SLA: variants seen among roughly 807,000 people sequenced by gnomAD.
SLA encodes src-like-adapter.
Under a neutral mutation model 30.3 loss-of-function variants are expected in SLA, and 16 were observed. The observed-to-expected ratio is 0.53, with a 90% CI of 0.36 to 0.80. The LOEUF is 0.80. Among genes scored for constraint, SLA ranks in the 30% least tolerant of loss-of-function variants. The pLI is 0.01. For missense variants in SLA, 310 were observed against 345.2 expected (o/e 0.90, Z 0.81); for synonymous variants, 143 against 137.8 (o/e 1.04, Z -0.26).
chr8:133,053,307 G>C (rs1307664247), intron 3 of SLA, among the ~76,000 whole-genome samples: 1 of 152,204 alleles, frequency 6.6e-6, no homozygotes, highest in Non-Finnish European at 1.5e-5. Flanking sequence ...CCCACCCCCG[G>C]CTGTGAGTTC....
At chr8:133,070,405 G>A (rs1843822183) in intron 2 of SLA, among the ~76,000 whole-genome samples, 1 of 152,182 alleles carries the variant, frequency 6.6e-6, no homozygotes, top group Non-Finnish European at 1.5e-5. Context: ...ACTAATCTAA[G>A]TGGGCATCCA....
chr8:133,096,445 T>A, intron 1 of SLA: 1 of 1,580,730 alleles, frequency 6.3e-7, no homozygotes. Context: ...AATGTCTGAC[T>A]TGATCAAGAG....
intron 1 of SLA, among the ~76,000 whole-genome samples, chr8:133,083,168 G>A (rs186896883): frequency 2.0e-5 from 3 of 152,264 alleles, no homozygotes; most frequent in East Asian, 1.9e-4. Flanking sequence ...ATTATAACCT[G>A]TAAAGCATGG....
chr8:133,048,307 A>G (rs1196109978), intron 5 of SLA, among the ~76,000 whole-genome samples: 1 of 151,974 alleles, frequency 6.6e-6, no homozygotes, highest in African/African-American at 2.4e-5. Flanking sequence ...TGCATCCTCC[A>G]CCTTCCAGGT....
chr8:133,072,447 T>C (rs540207913), intron 2 of SLA, among the ~76,000 whole-genome samples: 1 of 152,142 alleles, frequency 6.6e-6, no homozygotes, highest in Non-Finnish European at 1.5e-5. Flanking sequence ...GATGGATAGA[T>C]GGATAGATAG....
intron 2 of SLA, among the ~76,000 whole-genome samples, chr8:133,060,988 G>A (rs770148653): frequency 6.6e-6 from 1 of 152,180 alleles, no homozygotes; most frequent in Non-Finnish European, 1.5e-5. Context: ...CAAGCTAGAT[G>A]ACTTCGGGCA....
intron 7 of SLA, among the ~76,000 whole-genome samples, chr8:133,042,638 C>A (rs1838471419): frequency 7.4e-6 from 1 of 134,940 alleles, no homozygotes; most frequent in Non-Finnish European, 1.5e-5. Flanking sequence ...TGCTAGATGT[C>A]AATTCAAACC....
chr8:133,042,006 C>T (rs1174770151), intron 7 of SLA, among the ~76,000 whole-genome samples: 1 of 151,836 alleles, frequency 6.6e-6, no homozygotes, highest in Admixed American at 6.6e-5. Flanking sequence ...CCAGGATGGT[C>T]TCAATCTCCT....
chr8:133,038,325 C>G lies in SLA; in HGVS notation c.*199G>C, dbSNP rs1244592909. The G allele has an allele frequency of 1.0e-5, 6 of 601,230 alleles. No individual in the cohort carries two copies. The highest frequency in any genetic ancestry group is 1.8e-5 in the Non-Finnish European group (6 of 338,642). The allele number at this position is 601,230 out of a possible 1,614,324, so 37.2% of individuals were successfully genotyped here. ...TCCAATGTTTCGTGATGCCACAGCC[C>G]TGATCAGACACCAGGGAGGGGTTCC... is the stretch of plus-strand genomic sequence containing the variant. On this transcript the variant is annotated 3_prime_UTR_variant, in exon 9 of 9. Transcript: ENST00000338087.
intron 2 of SLA, among the ~76,000 whole-genome samples, chr8:133,070,301 C>T (rs1036019740): frequency 1.9e-4 from 29 of 152,092 alleles, no homozygotes; most frequent in Admixed American, 1.3e-4. Context: ...ACCACTGGAG[C>T]GAACCGACTC....
intron 1 of SLA, among the ~76,000 whole-genome samples, chr8:133,088,206 T>C (rs544857082): frequency 6.6e-6 from 1 of 152,232 alleles, no homozygotes; most frequent in East Asian, 1.9e-4. Flanking sequence ...ACATGGTGTG[T>C]TTTTGAGCCC....
intron 1 of SLA, among the ~76,000 whole-genome samples, chr8:133,078,337 C>T (rs1845215283): frequency 6.6e-6 from 1 of 152,180 alleles, no homozygotes; most frequent in Admixed American, 6.5e-5. Context: ...TGCCTAAGGA[C>T]AGGAGAGGAA....
intron 6 of SLA, 162 bp downstream of exon 6, chr8:133,047,668 A>T (rs1210642033): frequency 1.6e-6 from 1 of 643,038 alleles, no homozygotes. Flanking sequence ...TTGCTTCCCC[A>T]CTGGCCTCCC....
intron 2 of SLA, among the ~76,000 whole-genome samples, chr8:133,070,604 A>G (rs1843853878): frequency 6.6e-6 from 1 of 152,232 alleles, no homozygotes; most frequent in Non-Finnish European, 1.5e-5. Flanking sequence ...TAATTTGCTC[A>G]GAGTTACAAG....
At position 133,038,687 on chromosome 8, in the gene SLA, G is replaced by A; in HGVS notation, c.668C>T (p.Ser223Phe). The A allele has an allele frequency of 2.5e-6, 4 of 1,614,136 alleles. No individual in the cohort carries two copies. Among genetic ancestry groups the A allele is most frequent in the Non-Finnish European group, 3.4e-6 (4 of 1,180,026 alleles). Reference protein sequence around the residue: ...GTENPLGVDESLFSYGLRESI... With the variant: ...GTENPLGVDEFLFSYGLRESI... ...CTCTCGAAGGCCATAGCTGAAAAGG[G>A]ACTCGTCTACCCCAAGCGGGTTCTC... Residue 223 changes from serine to phenylalanine, a missense_variant, in exon 9 of 9, where the codon TCC becomes TTC. Coordinates refer to ENST00000338087, the MANE Select transcript of SLA (RefSeq NM_001045556.3).
At chr8:133,070,025 AAG>A (rs1491041561) in intron 2 of SLA, among the ~76,000 whole-genome samples, 18,168 of 75,186 alleles carry the variant, frequency 0.24, 3,893 homozygotes, top group Non-Finnish European at 0.31. Flanking sequence ...AAAAAAAAAA[AAG>A]AAAGAAAGAA....
chr8:133,059,976 T>C, intron 3 of SLA, 124 bp downstream of exon 3: 3 of 947,470 alleles, frequency 3.2e-6, no homozygotes, highest in Non-Finnish European at 4.6e-6. Context: ...GAGAGACAGA[T>C]ATAATGAGCC....
At chr8:133,068,626 T>G (rs542046285) in intron 2 of SLA, among the ~76,000 whole-genome samples, 2 of 152,330 alleles carry the variant, frequency 1.3e-5, no homozygotes, top group East Asian at 3.9e-4. Flanking sequence ...GTGCACACCC[T>G]GCAGTCTCCG....
intron 3 of SLA, among the ~76,000 whole-genome samples, chr8:133,053,394 G>C (rs769732004): frequency 1.9e-4 from 29 of 152,194 alleles, no homozygotes; most frequent in Non-Finnish European, 3.4e-4. Flanking sequence ...CTCAAAGCAG[G>C]CTTACTGAAT....
Sources: allele counts gnomAD v4.1 joint callset (sites outside exome capture counted in the v4.1 genomes callset), GRCh38; gene constraint gnomAD v4.1.1; transcripts MANE v1.5; gene names NCBI Gene and HGNC (gene_info 2026-07-23, HGNC 2026-07-21).